LRRC4C: variants seen among roughly 807,000 people sequenced by gnomAD.
The protein encoded by LRRC4C is leucine rich repeat containing 4C.
In LRRC4C, 5 loss-of-function variants were observed where a neutral mutation model predicts 33.6. The ratio of observed to expected loss-of-function variants is 0.15; its 90% CI spans 0.08 to 0.31. The LOEUF is 0.31. Ranked by LOEUF, LRRC4C falls within the 10% of genes least tolerant of loss-of-function variation. The pLI, the probability that LRRC4C is intolerant of heterozygous loss-of-function variation, is 1.00. For missense variants in LRRC4C, 560 were observed against 796.7 expected, an observed-to-expected ratio of 0.70 and a Z score of 3.58; for synonymous variants, 329 against 302.0, an observed-to-expected ratio of 1.09 and a Z score of -0.93.
intron 1 of LRRC4C, among the ~76,000 whole-genome samples, chr11:41,129,159 T>C (rs1942893394): frequency 6.6e-6 from 1 of 151,936 alleles, no homozygotes; most frequent in Admixed American, 6.6e-5. Flanking sequence ...TATAATCAGA[T>C]AAAATGAAAT....
chr11:41,201,964 G>A (rs1946418174), intron 1 of LRRC4C, among the ~76,000 whole-genome samples: 1 of 151,532 alleles, frequency 6.6e-6, no homozygotes, highest in South Asian at 2.1e-4. Flanking sequence ...CAAATGCAGT[G>A]TAGTTTTTAG....
chr11:40,774,678 C>A (rs1222043367), intron 2 of LRRC4C, among the ~76,000 whole-genome samples: 1 of 151,760 alleles, frequency 6.6e-6, no homozygotes, highest in Non-Finnish European at 1.5e-5. Flanking sequence ...TAATTCTGAG[C>A]AGAATAAAAT....
intron 3 of LRRC4C, among the ~76,000 whole-genome samples, chr11:40,326,919 G>C (rs1017033969): frequency 6.6e-6 from 1 of 152,166 alleles, no homozygotes; most frequent in Admixed American, 6.5e-5. Context: ...CAGAAGTCTA[G>C]GAAAGAGTGA....
At chr11:40,562,632 T>A (rs1263748916) in intron 3 of LRRC4C, among the ~76,000 whole-genome samples, 1 of 152,140 alleles carries the variant, frequency 6.6e-6, no homozygotes, top group Admixed American at 6.5e-5. Context: ...GAGCTGATGC[T>A]TCTCTTTTTT....
At chr11:41,212,606 A>C (rs984335400) in intron 1 of LRRC4C, among the ~76,000 whole-genome samples, 5 of 151,756 alleles carry the variant, frequency 3.3e-5, no homozygotes, top group Non-Finnish European at 5.9e-5. Context: ...AACAGGCCCC[A>C]GTGTGTCCAT....
chr11:40,571,901 T>C (rs1363980372), intron 3 of LRRC4C, among the ~76,000 whole-genome samples: 1 of 152,182 alleles, frequency 6.6e-6, no homozygotes, highest in Non-Finnish European at 1.5e-5. Context: ...TCTAAAGCAG[T>C]GGCACATCTG....
rs142852065 is a variant in LRRC4C, at chr11:40,381,782, C to T, written c.-269-62061G>A. Among the ~76,000 whole-genome samples, 511 of 152,014 alleles carry T rather than the reference C, an allele frequency of 3.4e-3. 3 individuals are homozygous for T. Among genetic ancestry groups the T allele is most frequent in the African/African-American group, 0.011 (475 of 41,434 alleles). On this transcript the variant is annotated intron_variant, in intron 3 of 6. Coordinates refer to ENST00000528697, the MANE Select transcript of LRRC4C (RefSeq NM_001258419.2). ...ATCTAGTTGCTCTTCAGAAATTTGG[C>T]TTTTGGTCATTGGGACGCTGGCTGA...
chr11:40,115,332 G>A lies in LRRC4C; in HGVS notation c.961C>T (p.Pro321Ser). 6.2e-7 allele frequency: 1 copy of A among 1,614,146 alleles called. No individual in the cohort carries two copies. ...CGGGCACAACAAGCTGTGTTCGAGGGGGCCATGTCTTTTATCCACCAGCTG... is the reference window on the plus strand; with the variant it reads ...CGGGCACAACAAGCTGTGTTCGAGGAGGCCATGTCTTTTATCCACCAGCTG... Reference protein sequence around the residue: ...WLSWWIKDMAPSNTACCARCN... With the variant: ...WLSWWIKDMASSNTACCARCN... The change falls in exon 7 of 7, where the codon CCC (proline) becomes TCC (serine). Residue 321 changes from proline to serine, a missense_variant. Physicochemically the swap from Pro to Ser is moderately conservative, Grantham distance 74. Transcript: ENST00000528697. This position sits in a 1 kb window ranked among gnomAD's most constrained non-coding sequence, Gnocchi z 6.7.
At chr11:41,162,040 C>A (rs7952682) in intron 1 of LRRC4C, among the ~76,000 whole-genome samples, 1 of 152,090 alleles carries the variant, frequency 6.6e-6, no homozygotes, top group Admixed American at 6.6e-5. Flanking sequence ...GCTTATCTGG[C>A]GCCATTTATC....
At chr11:40,777,317 G>A (rs897929799) in intron 2 of LRRC4C, among the ~76,000 whole-genome samples, 1 of 152,024 alleles carries the variant, frequency 6.6e-6, no homozygotes, top group Non-Finnish European at 1.5e-5. Flanking sequence ...TATTGTCTGC[G>A]GGGTGTGGAC....
chr11:41,123,256 G>GTT lies in LRRC4C; in HGVS notation c.-495-189535_-495-189534dup, dbSNP rs1456350828. 7.8e-4 allele frequency among the ~76,000 whole-genome samples: 84 copies of GTT among 107,146 alleles called. 5 individuals carry two copies. Among genetic ancestry groups the GTT allele is most frequent in the African/African-American group, 3.2e-3 (80 of 25,348 alleles). The allele number at this position is 107,146 out of a possible 152,430, so 70.3% of individuals were successfully genotyped here. A position where few individuals can be genotyped will look rare whatever the true frequency, so the allele number is the denominator to read the frequency against. On this transcript the variant is annotated intron_variant, in intron 1 of 6. Transcript: ENST00000528697. The stretch of plus-strand genomic sequence containing the variant: ...AAATGCTTTCTCTATCCTGAGCTAT[G>GTT]TTTTGTTTTTTTTTTTTTTTTTTTT...
intron 3 of LRRC4C, among the ~76,000 whole-genome samples, chr11:40,400,541 G>T (rs1590617280): frequency 1.3e-5 from 2 of 152,124 alleles, no homozygotes; most frequent in South Asian, 4.1e-4. Flanking sequence ...TAGCTCTTCA[G>T]TACTACCTGG....
chr11:40,296,524 AC>A (rs1944521016), intron 4 of LRRC4C, among the ~76,000 whole-genome samples: 1 of 152,202 alleles, frequency 6.6e-6, no homozygotes, highest in Non-Finnish European at 1.5e-5. Flanking sequence ...GGTTTTGGTA[AC>A]ATGGGGAACA....
At chr11:41,193,629 A>G (rs1946058351) in intron 1 of LRRC4C, among the ~76,000 whole-genome samples, 1 of 152,110 alleles carries the variant, frequency 6.6e-6, no homozygotes, top group African/African-American at 2.4e-5. Flanking sequence ...ACGGATCTTG[A>G]TCTAATTAAA....
intron 1 of LRRC4C, among the ~76,000 whole-genome samples, chr11:41,322,421 A>G (rs1950985313): frequency 1.3e-5 from 2 of 151,996 alleles, no homozygotes; most frequent in African/African-American, 2.4e-5. Flanking sequence ...AAGATTTTAA[A>G]TCACCTATCA....
At chr11:40,982,446 CA>C (rs1160681227) in intron 1 of LRRC4C, among the ~76,000 whole-genome samples, 1 of 151,998 alleles carries the variant, frequency 6.6e-6, no homozygotes, top group Non-Finnish European at 1.5e-5. Context: ...ATAAATTAAA[CA>C]AACACATTGC....
chr11:40,236,614 G>A (rs1865577044), intron 5 of LRRC4C, among the ~76,000 whole-genome samples: 1 of 152,042 alleles, frequency 6.6e-6, no homozygotes, highest in Non-Finnish European at 1.5e-5. Flanking sequence ...GGGAAAGGCA[G>A]AAAAAAGGTC....
chr11:41,125,079 A>G (rs1001500579), intron 1 of LRRC4C, among the ~76,000 whole-genome samples: 11 of 152,158 alleles, frequency 7.2e-5, no homozygotes, highest in African/African-American at 2.7e-4. Flanking sequence ...GACACAAGGA[A>G]AACAACTATT....
intron 1 of LRRC4C, among the ~76,000 whole-genome samples, chr11:41,351,140 G>C (rs1951967245): frequency 6.6e-6 from 1 of 151,994 alleles, no homozygotes; most frequent in African/African-American, 2.4e-5. Context: ...GGCTGGGGTG[G>C]GAGGATTGCT....
Sources: gnomAD v4.1 joint callset for allele counts (sites outside exome capture counted in the v4.1 genomes callset) on GRCh38, gnomAD v4.1.1 for gene constraint, Gnocchi (gnomAD v3.1) non-coding constraint, MANE v1.5 for transcripts, NCBI Gene and HGNC (gene_info 2026-07-23, HGNC 2026-07-21) for gene names.